AIF1L: variants seen among roughly 807,000 people sequenced by gnomAD.
AIF1L encodes the protein allograft inflammatory factor 1-like.
A neutral mutation model predicts 20.7 loss-of-function variants in AIF1L; 12 were observed. The ratio of observed to expected loss-of-function variants is 0.58; its 90% CI spans 0.37 to 0.94. The LOEUF is 0.94. Ranked by LOEUF, AIF1L falls within the 40% of genes least tolerant of loss-of-function variation. The pLI, the probability that AIF1L is intolerant of heterozygous loss-of-function variation, is 0.01. For missense variants in AIF1L, 173 were observed against 185.3 expected, an observed-to-expected ratio of 0.93 and a Z score of 0.39; for synonymous variants, 76 against 65.1, an observed-to-expected ratio of 1.17 and a Z score of -0.81.
intron 2 of AIF1L, among the ~76,000 whole-genome samples, chr9:131,109,084 T>G (rs1830816316): frequency 1.3e-5 from 2 of 152,152 alleles, no homozygotes; most frequent in Admixed American, 1.3e-4. Flanking sequence ...AACACCAGCT[T>G]TCTGTAATTT....
chr9:131,120,231 C>A lies in AIF1L; in HGVS notation c.366-4C>A. Reference sequence around the variant, plus strand: ...TTTTTTTCTTTTCTCCATCTCCAAACCAGAGTCATGATGTTTGAAGGAAAA... The same window carrying A: ...TTTTTTTCTTTTCTCCATCTCCAAAACAGAGTCATGATGTTTGAAGGAAAA... On this transcript the variant is annotated splice_polypyrimidine_tract_variant and splice_region_variant and intron_variant, in intron 5 of 5. Coordinates refer to ENST00000247291, the MANE Select transcript of AIF1L (RefSeq NM_031426.4). 1 of 1,612,300 alleles carries A rather than the reference C, an allele frequency of 6.2e-7. No homozygotes were observed. The highest frequency in any genetic ancestry group is 1.1e-5 in the South Asian group (1 of 90,858).
At position 131,117,828 on chromosome 9, in the gene AIF1L, T is replaced by A; in HGVS notation, c.275T>A (p.Ile92Asn). ...ACCCACCTGGAGATGAAGAAGATGA[T>A]CTCAGAGGTGACAGGAGGGGTCAGT... The part of the protein sequence containing the change: ...PKTHLEMKKM[I>N]SEVTGGVSDT... Residue 92 changes from isoleucine to asparagine, a missense_variant, in exon 5 of 6, where the codon ATC (isoleucine) becomes AAC (asparagine). Coordinates refer to ENST00000247291, the MANE Select transcript of AIF1L (RefSeq NM_031426.4). The A allele has an allele frequency of 1.9e-6, 3 of 1,613,930 alleles. No homozygotes were observed. The highest frequency in any genetic ancestry group is 2.5e-6 in the Non-Finnish European group (3 of 1,179,884).
intron 5 of AIF1L, among the ~76,000 whole-genome samples, chr9:131,118,414 A>G (rs1033332408): frequency 2.6e-5 from 4 of 151,704 alleles, no homozygotes; most frequent in African/African-American, 7.3e-5. Context: ...ATTAATATGT[A>G]CCCTGTAGGG....
intron 3 of AIF1L, 96 bp downstream of exon 3, chr9:131,111,759 C>A: frequency 8.1e-7 from 1 of 1,235,442 alleles, no homozygotes; most frequent in Non-Finnish European, 1.2e-6. Context: ...CAGGACTAGG[C>A]TGTGGCCCTG....
intron 2 of AIF1L, among the ~76,000 whole-genome samples, chr9:131,110,889 C>T (rs1004898890): frequency 4.6e-5 from 7 of 151,670 alleles, no homozygotes; most frequent in African/African-American, 1.7e-4. Context: ...GGGCCGGGCG[C>T]GGTGGCTCAC....
intron 1 of AIF1L, 43 bp downstream of exon 1, chr9:131,096,703 C>T: frequency 1.4e-6 from 2 of 1,447,524 alleles, no homozygotes; most frequent in South Asian, 1.4e-5. Context: ...GCGCGCCGGG[C>T]GGACCGCGGG....
At chr9:131,101,929 C>A (rs183347318) in intron 2 of AIF1L, among the ~76,000 whole-genome samples, 2 of 151,840 alleles carry the variant, frequency 1.3e-5, no homozygotes, top group Non-Finnish European at 1.5e-5. Flanking sequence ...CGCTGTTTTT[C>A]ATTTTGAGAC....
intron 2 of AIF1L, chr9:131,106,281 T>C: frequency 1.3e-6 from 2 of 1,487,648 alleles, no homozygotes; most frequent in South Asian, 1.2e-5. Flanking sequence ...TTAGTTAACC[T>C]GAGTCTCAAC....
intron 2 of AIF1L, among the ~76,000 whole-genome samples, chr9:131,103,933 G>A (rs748959776): frequency 6.6e-6 from 1 of 152,168 alleles, no homozygotes; most frequent in Non-Finnish European, 1.5e-5. Context: ...GTCCCTTCCG[G>A]CACCTCGGTT....
chr9:131,111,214 T>C (rs886544071), intron 2 of AIF1L, among the ~76,000 whole-genome samples: 9 of 148,794 alleles, frequency 6.0e-5, no homozygotes, highest in Non-Finnish European at 1.2e-4. Context: ...ATGAATGAGC[T>C]CAGGATCACA....
intron 3 of AIF1L, 173 bp from the exon 4 acceptor site, chr9:131,114,404 C>A: frequency 1.5e-6 from 1 of 675,368 alleles, no homozygotes; most frequent in Non-Finnish European, 2.6e-6. Context: ...TGAGCTCTTT[C>A]CCCAGAGGCC....
rs1012613615 is a variant in AIF1L at position 131,122,809 on chromosome 9, G to A, written c.*2487G>A. On this transcript the variant is annotated 3_prime_UTR_variant, in exon 6 of 6. Transcript: ENST00000247291. ...CCCCATCAGTCCCTTCATTTCTTGAGACTCAACTCCTGGGAGGAGAGGGTC... is the reference window on the plus strand; with the variant it reads ...CCCCATCAGTCCCTTCATTTCTTGAAACTCAACTCCTGGGAGGAGAGGGTC... The A allele has an allele frequency of 2.0e-5, 3 of 152,248 alleles. No individual in the cohort carries two copies. The highest frequency in any genetic ancestry group is 7.2e-5 in the African/African-American group (3 of 41,444). 9.4% of individuals were successfully genotyped at this position (152,248 alleles called of 1,614,324 possible).
At chr9:131,109,072 T>G (rs1433577383) in intron 2 of AIF1L, among the ~76,000 whole-genome samples, 1 of 152,220 alleles carries the variant, frequency 6.6e-6, no homozygotes, top group Non-Finnish European at 1.5e-5. Context: ...CACATCATTT[T>G]AAACACCAGC....
intron 3 of AIF1L, among the ~76,000 whole-genome samples, chr9:131,112,778 C>G (rs1830921184): frequency 6.6e-6 from 1 of 152,140 alleles, no homozygotes; most frequent in Non-Finnish European, 1.5e-5. Flanking sequence ...CCCACCCCAT[C>G]CCAGCCACCT....
Position 131,100,479 on chromosome 9 carries a change from A to G in AIF1L, c.93+3616A>G, listed in dbSNP as rs147693905. 4.6e-3 allele frequency among the ~76,000 whole-genome samples: 708 copies of G among 152,274 alleles called. 6 individuals are homozygous for G. The highest frequency in any genetic ancestry group is 0.016 in the African/African-American group (661 of 41,568). On this transcript the variant is annotated intron_variant, in intron 2 of 5. Transcript: ENST00000247291. ...AACGAGACTCAGAGAGGCTGGGTAA[A>G]CTGCCTGGGTTTAAACAGCCTCGAC... is the stretch of plus-strand genomic sequence containing the variant.
chr9:131,117,160 C>G (rs774181828), intron 4 of AIF1L, among the ~76,000 whole-genome samples: 1 of 152,174 alleles, frequency 6.6e-6, no homozygotes, highest in Non-Finnish European at 1.5e-5. Context: ...TTTTCCTGCT[C>G]TGTGGGATAT....
intron 2 of AIF1L, among the ~76,000 whole-genome samples, chr9:131,102,561 C>T (rs1830661766): frequency 6.6e-6 from 1 of 152,192 alleles, no homozygotes; most frequent in Non-Finnish European, 1.5e-5. Context: ...TTGGTGTGGC[C>T]GTGTCACAGG....
At chr9:131,118,207 C>T (rs189865993) in intron 5 of AIF1L, among the ~76,000 whole-genome samples, 1 of 152,028 alleles carries the variant, frequency 6.6e-6, no homozygotes, top group South Asian at 2.1e-4. Context: ...ATTCTTCTGC[C>T]TCAGCCTCCC....
intron 4 of AIF1L, among the ~76,000 whole-genome samples, chr9:131,117,418 C>G (rs1831039809): frequency 6.6e-6 from 1 of 152,186 alleles, no homozygotes; most frequent in African/African-American, 2.4e-5. Flanking sequence ...CCGGTGCTTC[C>G]TGCACAGAGA....
Sources: allele counts gnomAD v4.1 joint callset (sites outside exome capture counted in the v4.1 genomes callset), GRCh38; gene constraint gnomAD v4.1.1; transcripts MANE v1.5; gene names NCBI Gene and HGNC (gene_info 2026-07-23, HGNC 2026-07-21).